ARID5B: variants seen among roughly 807,000 people sequenced by gnomAD.
ARID5B encodes the protein AT-rich interaction domain 5B.
ARID5B carries 13 observed loss-of-function variants against 97.2 expected under a neutral mutation model. The observed-to-expected ratio is 0.13, with a 90% CI of 0.09 to 0.21. ARID5B has a LOEUF of 0.21. ARID5B is among the 10% of genes least tolerant of loss of function. ARID5B has a pLI of 1.00. For missense variants in ARID5B, 1,210 were observed against 1,465.3 expected, an observed-to-expected ratio of 0.83 and a Z score of 2.84; for synonymous variants, 556 against 570.3, an observed-to-expected ratio of 0.97 and a Z score of 0.36.
At chr10:62,005,162 T>TG (rs1839130578) in intron 4 of ARID5B, among the ~76,000 whole-genome samples, 1 of 152,128 alleles carries the variant, frequency 6.6e-6, no homozygotes, top group South Asian at 2.1e-4. Context: ...AATATGAAAA[T>TG]ACACATTCTG....
chr10:61,967,030 T>A (rs747146880), intron 3 of ARID5B, among the ~76,000 whole-genome samples: 1 of 152,166 alleles, frequency 6.6e-6, no homozygotes, highest in Non-Finnish European at 1.5e-5. Flanking sequence ...GGGCCTTTTT[T>A]TCCCCCAGAA....
chr10:61,902,461 CT>C (rs1843632857), intron 2 of ARID5B, 48 bp downstream of exon 2: 1 of 1,599,514 alleles, frequency 6.3e-7, no homozygotes, highest in Admixed American at 1.7e-5. Flanking sequence ...ATTTTTCCCC[CT>C]AGTAATGCTT....
chr10:61,964,953 C>T (rs570118429), intron 3 of ARID5B, among the ~76,000 whole-genome samples: 46 of 152,208 alleles, frequency 3.0e-4, no homozygotes, highest in Non-Finnish European at 3.2e-4. Context: ...TTTATGCTGC[C>T]GCTAATGCCC....
intron 8 of ARID5B, among the ~76,000 whole-genome samples, chr10:62,078,490 T>C (rs947126614): frequency 1.3e-5 from 2 of 152,232 alleles, no homozygotes; most frequent in Non-Finnish European, 2.9e-5. Context: ...TTTATTATTC[T>C]TGAAATAATG....
chr10:61,957,644 A>C (rs1838410019), intron 3 of ARID5B, among the ~76,000 whole-genome samples: 1 of 152,260 alleles, frequency 6.6e-6, no homozygotes, highest in Admixed American at 6.5e-5. Flanking sequence ...ACTGGATTTA[A>C]AAAACTTAGT....
chr10:61,909,461 G>A (rs1372506522), intron 2 of ARID5B, among the ~76,000 whole-genome samples: 3 of 151,886 alleles, frequency 2.0e-5, no homozygotes, highest in Non-Finnish European at 4.4e-5. Context: ...GAGTAGCTGG[G>A]ACTACAGGCG....
chr10:62,035,578 C>T (rs937605534), intron 4 of ARID5B, among the ~76,000 whole-genome samples: 3 of 152,034 alleles, frequency 2.0e-5, no homozygotes, highest in African/African-American at 7.2e-5. Context: ...GCAACCTCCA[C>T]CTCATGGGTT....
intron 4 of ARID5B, among the ~76,000 whole-genome samples, chr10:62,042,936 A>C (rs1839660264): frequency 1.3e-5 from 2 of 150,292 alleles, no homozygotes; most frequent in South Asian, 4.2e-4. Context: ...AAAAAAAAGA[A>C]TATATGGAAT....
chr10:61,998,554 A>G (rs1408088134), intron 3 of ARID5B, among the ~76,000 whole-genome samples: 1 of 152,248 alleles, frequency 6.6e-6, no homozygotes, highest in African/African-American at 2.4e-5. Context: ...GGCTTCATCC[A>G]TGCAGAATCT....
At chr10:61,981,283 TTTTG>T (rs1408062775) in intron 3 of ARID5B, among the ~76,000 whole-genome samples, 2 of 151,746 alleles carry the variant, frequency 1.3e-5, no homozygotes, top group African/African-American at 2.4e-5. Flanking sequence ...CTGAGTTTTG[TTTTG>T]TTTGTTTGTT....
rs149113357 is a variant in ARID5B, at chr10:61,958,667, T to C, written c.502+18259T>C. ...TCTTGTGGTCAGCTCTGACTTAGATTTTCTTTTTGAAAGGCCTAGTCATCC... is the reference window on the plus strand; with the variant it reads ...TCTTGTGGTCAGCTCTGACTTAGATCTTCTTTTTGAAAGGCCTAGTCATCC... On this transcript the variant is annotated intron_variant, in intron 3 of 9. Coordinates refer to ENST00000279873, the MANE Select transcript of ARID5B (RefSeq NM_032199.3). Among the ~76,000 whole-genome samples the C allele has an allele frequency of 3.4e-3, 515 of 152,326 alleles. 1 individual carries two copies. The highest frequency in any genetic ancestry group is 0.01 in the South Asian group (49 of 4,832).
At chr10:62,028,614 C>A (rs1296567021) in intron 4 of ARID5B, among the ~76,000 whole-genome samples, 2 of 152,154 alleles carry the variant, frequency 1.3e-5, no homozygotes, top group Non-Finnish European at 2.9e-5. Flanking sequence ...ATACTACTCA[C>A]TTCAAGGGGA....
At chr10:61,956,718 AAACTGT>A (rs1220302924) in intron 3 of ARID5B, among the ~76,000 whole-genome samples, 2 of 152,146 alleles carry the variant, frequency 1.3e-5, no homozygotes, top group African/African-American at 4.8e-5. Flanking sequence ...TATCACTCTC[AAACTGT>A]AACTACATTT....
chr10:62,082,819 G>GA (rs937810885), intron 8 of ARID5B, among the ~76,000 whole-genome samples: 2 of 152,080 alleles, frequency 1.3e-5, no homozygotes, highest in African/African-American at 2.4e-5. Context: ...CAGGATAACT[G>GA]AAAAAACATT....
At chr10:61,950,999 C>A (rs1298538829) in intron 3 of ARID5B, among the ~76,000 whole-genome samples, 1 of 152,124 alleles carries the variant, frequency 6.6e-6, no homozygotes, top group East Asian at 1.9e-4. Flanking sequence ...GGTATTGACA[C>A]TGATTCTTTT....
At chr10:62,023,281 G>A (rs1839379041) in intron 4 of ARID5B, among the ~76,000 whole-genome samples, 1 of 152,128 alleles carries the variant, frequency 6.6e-6, no homozygotes, top group African/African-American at 2.4e-5. Context: ...TTGCTCCTTA[G>A]ATTTAGGGCA....
chr10:61,996,895 A>AAT lies in ARID5B; in HGVS notation c.503-3179_503-3178dup, dbSNP rs367939798. 1.8e-3 allele frequency among the ~76,000 whole-genome samples: 258 copies of AAT among 146,176 alleles called. 1 individual carries two copies. Among genetic ancestry groups the AAT allele is most frequent in the African/African-American group, 5.7e-3 (228 of 39,904 alleles). On this transcript the variant is annotated intron_variant, in intron 3 of 9. Transcript: ENST00000279873. The stretch of plus-strand genomic sequence containing the variant: ...AAAAGTCTGACAACTGAAAAAAAAA[A>AAT]ATATATATATATATATATTTCAAAA...
At chr10:61,909,317 A>ATTTTT (rs1843759447) in intron 2 of ARID5B, among the ~76,000 whole-genome samples, 1 of 97,424 alleles carries the variant, frequency 1.0e-5, no homozygotes, top group Non-Finnish European at 2.1e-5. Context: ...CTATTCAGTG[A>ATTTTT]GTTTTTTTTT....
chr10:61,977,429 C>A (rs527277513), intron 3 of ARID5B, among the ~76,000 whole-genome samples: 2 of 152,322 alleles, frequency 1.3e-5, no homozygotes, highest in African/African-American at 4.8e-5. Context: ...TGAGGAATCA[C>A]CACACTGTCT....
Sources: gnomAD v4.1 joint callset for allele counts (sites outside exome capture counted in the v4.1 genomes callset) on GRCh38, gnomAD v4.1.1 for gene constraint, MANE v1.5 for transcripts, NCBI Gene and HGNC (gene_info 2026-07-23, HGNC 2026-07-21) for gene names.